Variants in XPR1 observed in about 807,000 individuals in gnomAD.
XPR1 encodes xenotropic and polytropic retrovirus receptor 1, also known as solute carrier family 53 member 1.
A neutral mutation model predicts 87.5 loss-of-function variants in XPR1; 28 were observed. That is an observed-to-expected ratio of 0.32 (90% CI 0.24 to 0.44). XPR1 has a LOEUF of 0.44. XPR1 is among the 20% of genes least tolerant of loss of function. The pLI is 1.00. For synonymous variants in XPR1, 300 were observed against 306.1 expected, an observed-to-expected ratio of 0.98 and a Z score of 0.21; for missense variants, 559 against 862.3, an observed-to-expected ratio of 0.65 and a Z score of 4.41.
chr1:180,755,906 T>G (rs1469210638), intron 2 of XPR1, among the ~76,000 whole-genome samples: 2 of 152,204 alleles, frequency 1.3e-5, no homozygotes, highest in Non-Finnish European at 2.9e-5. Context: ...TCAGAGCTCC[T>G]TGAAGAAGGT....
In XPR1 at chr1:180,856,568, A is replaced by AT. The variant is rs537483141; in HGVS notation, c.1502-7132dup. ...AGTCAACACGTCAAAAAATAAACTC[A>AT]TTTTTTTTCCTAAGCATGCTTCAAG... is the stretch of plus-strand genomic sequence containing the variant. On this transcript the variant is annotated intron_variant, in intron 11 of 14. Coordinates refer to ENST00000367590, the MANE Select transcript of XPR1 (RefSeq NM_004736.4). Among the ~76,000 whole-genome samples the AT allele has an allele frequency of 2.8e-3, 431 of 152,042 alleles. 2 individuals are homozygous for AT. The highest frequency in any genetic ancestry group is 5.2e-3 in the Non-Finnish European group (354 of 67,954).
chr1:180,717,806 G>C (rs1161480628), intron 2 of XPR1, among the ~76,000 whole-genome samples: 1 of 152,046 alleles, frequency 6.6e-6, no homozygotes, highest in Non-Finnish European at 1.5e-5. Flanking sequence ...ATAGAAATTG[G>C]CAAACCTGCC....
intron 3 of XPR1, among the ~76,000 whole-genome samples, chr1:180,794,639 A>G (rs1369502771): frequency 6.6e-6 from 1 of 152,210 alleles, no homozygotes; most frequent in Non-Finnish European, 1.5e-5. Flanking sequence ...CTTTAGAAGA[A>G]GTGAAATTTA....
chr1:180,787,978 G>GA, intron 3 of XPR1, 124 bp downstream of exon 3: 1 of 597,284 alleles, frequency 1.7e-6, no homozygotes, highest in Non-Finnish European at 2.6e-6. Context: ...CTGCACTTAA[G>GA]AGGATTTTCT....
At chr1:180,679,493 C>T (rs544986199) in intron 1 of XPR1, among the ~76,000 whole-genome samples, 148 of 152,284 alleles carry the variant, frequency 9.7e-4, no homozygotes, top group African/African-American at 3.0e-3. Flanking sequence ...TTGAGGAATC[C>T]TGCTGTAGGC....
At chr1:180,795,716 T>G (rs1649547145) in intron 3 of XPR1, among the ~76,000 whole-genome samples, 1 of 152,232 alleles carries the variant, frequency 6.6e-6, no homozygotes, top group African/African-American at 2.4e-5. Context: ...CTACACTGTT[T>G]TTGGTCTTGA....
chr1:180,773,933 TTAAA>T (rs1181275219), intron 2 of XPR1, among the ~76,000 whole-genome samples: 1 of 152,230 alleles, frequency 6.6e-6, no homozygotes, highest in Non-Finnish European at 1.5e-5. Flanking sequence ...GATCTTCTAT[TTAAA>T]TATATAATCA....
intron 7 of XPR1, among the ~76,000 whole-genome samples, chr1:180,813,048 C>T (rs111449961): frequency 2.7e-5 from 4 of 147,198 alleles, no homozygotes; most frequent in Non-Finnish European, 4.5e-5. Context: ...TTTCCCCCCC[C>T]CCAATGGAAG....
chr1:180,710,548 C>T (rs952365960), intron 2 of XPR1, among the ~76,000 whole-genome samples: 2 of 152,178 alleles, frequency 1.3e-5, no homozygotes, highest in Admixed American at 1.3e-4. Flanking sequence ...CATCCCAAGG[C>T]AGAAGAATTT....
At chr1:180,745,487 C>T (rs1367517013) in intron 2 of XPR1, among the ~76,000 whole-genome samples, 2 of 152,158 alleles carry the variant, frequency 1.3e-5, no homozygotes, top group South Asian at 2.1e-4. Context: ...TTCTCTTCCT[C>T]AGTGTTTTAG....
At chr1:180,753,864 C>T (rs983691774) in intron 2 of XPR1, among the ~76,000 whole-genome samples, 1 of 152,150 alleles carries the variant, frequency 6.6e-6, no homozygotes, top group East Asian at 1.9e-4. Context: ...TTCACAACTG[C>T]TGTTCTTATA....
At chr1:180,882,908 G>A (rs939568190) in intron 14 of XPR1, among the ~76,000 whole-genome samples, 1 of 151,786 alleles carries the variant, frequency 6.6e-6, no homozygotes, top group Non-Finnish European at 1.5e-5. Context: ...CTCAAGTGGT[G>A]TTTTATCTTA....
chr1:180,809,642 C>CTAAAGAAAAAGTG lies in XPR1; in HGVS notation c.682-1756_682-1755insAGTGTAAAGAAAA, dbSNP rs1428201269. The stretch of plus-strand genomic sequence containing the variant: ...AAGAATGCCTGTAGAGATGGTAAAG[C>CTAAAGAAAAAGTG]TAAAGAAAATGTGGAAGTGGTTATC... On this transcript the variant is annotated intron_variant, in intron 6 of 14. Transcript: ENST00000367590. Among the ~76,000 whole-genome samples, 77 of 151,890 alleles carry CTAAAGAAAAAGTG rather than the reference C, an allele frequency of 5.1e-4. 2 individuals carry two copies. Among genetic ancestry groups the CTAAAGAAAAAGTG allele is most frequent in the Non-Finnish European group, 1.0e-4 (7 of 67,998 alleles).
intron 10 of XPR1, among the ~76,000 whole-genome samples, chr1:180,835,977 A>T (rs1305577995): frequency 6.6e-6 from 1 of 152,180 alleles, no homozygotes; most frequent in African/African-American, 2.4e-5. Flanking sequence ...TCCTGGACAG[A>T]TATCCATAAA....
intron 2 of XPR1, among the ~76,000 whole-genome samples, chr1:180,760,648 A>C (rs974876479): frequency 6.6e-6 from 1 of 152,228 alleles, no homozygotes; most frequent in African/African-American, 2.4e-5. Context: ...TTCCATGCTC[A>C]TGGGTAGGAA....
At chr1:180,649,386 G>A (rs1167486312) in intron 1 of XPR1, among the ~76,000 whole-genome samples, 2 of 152,098 alleles carry the variant, frequency 1.3e-5, no homozygotes, top group African/African-American at 2.4e-5. Flanking sequence ...AGCCAAGATC[G>A]CGCCACTGCA....
chr1:180,813,337 T>C lies in XPR1; in HGVS notation c.763+1849T>C, dbSNP rs57540004. On this transcript the variant is annotated intron_variant, in intron 7 of 14. Transcript: ENST00000367590. ...TGTCTACCTAGCTTATTTCATCACT[T>C]GTCTGTATTCAAATGCTACATTCTT... Among the ~76,000 whole-genome samples, 3,378 of 152,286 alleles carry C rather than the reference T, an allele frequency of 0.022. 425 individuals carry two copies. In the East Asian group the frequency reaches 0.37, roughly 17 times the overall value.
At chr1:180,752,962 G>A (rs545268220) in intron 2 of XPR1, among the ~76,000 whole-genome samples, 13 of 152,136 alleles carry the variant, frequency 8.5e-5, no homozygotes, top group Non-Finnish European at 1.8e-4. Flanking sequence ...CATTACAGAA[G>A]TACCAAGTAG....
chr1:180,735,204 A>G (rs1211775519), intron 2 of XPR1, among the ~76,000 whole-genome samples: 1 of 152,252 alleles, frequency 6.6e-6, no homozygotes, highest in Non-Finnish European at 1.5e-5. Context: ...TGTCTAATCA[A>G]ATAGTGACTT....
Sources: gnomAD v4.1 joint callset for allele counts (sites outside exome capture counted in the v4.1 genomes callset) on GRCh38, gnomAD v4.1.1 for gene constraint, MANE v1.5 for transcripts, NCBI Gene and HGNC (gene_info 2026-07-23, HGNC 2026-07-21) for gene names.